VPS16: variants seen among roughly 807,000 people sequenced by gnomAD.
VPS16 encodes the protein vacuolar protein sorting-associated protein 16 homolog.
A neutral mutation model predicts 116.0 loss-of-function variants in VPS16; 82 were observed. The observed-to-expected ratio is 0.71, with a 90% CI of 0.59 to 0.85. The LOEUF is 0.85. Among genes scored for constraint, VPS16 ranks in the 40% least tolerant of loss-of-function variants. VPS16 has a pLI of 0.00. For synonymous variants in VPS16, 406 were observed against 420.7 expected (o/e 0.96, Z 0.43); for missense variants, 928 against 1,090.6 (o/e 0.85, Z 2.10).
At chr20:2,842,760 C>CTATA (rs2089004926) in intron 1 of VPS16, among the ~76,000 whole-genome samples, 1 of 76,034 alleles carries the variant, frequency 1.3e-5, no homozygotes, top group African/African-American at 6.8e-5. Context: ...ATGTATCTAT[C>CTATA]TATAGATAGA....
chr20:2,866,638 G>T lies in VPS16; in HGVS notation c.*64G>T. On this transcript the variant is annotated 3_prime_UTR_variant, in exon 24 of 24. Coordinates refer to ENST00000380445, the MANE Select transcript of VPS16 (RefSeq NM_022575.4). ...CCTAGCACCTGGGCTTGGCAGAAGG[G>T]CCATAGTTCATCCAGCTCCTCCCCT... 2 of 1,593,846 alleles carry T rather than the reference G, an allele frequency of 1.3e-6. No homozygotes were observed. The highest frequency in any genetic ancestry group is 1.7e-6 in the Non-Finnish European group (2 of 1,169,896).
Position 2,863,271 on chromosome 20 carries a change from T to G in VPS16, c.1368-19T>G. ...CCTCCACCTCACTCCTTGTATCCTT[T>G]ACCCACCGGGTCTACCAGGCTCGTG... is the stretch of plus-strand genomic sequence containing the variant. On this transcript the variant is annotated intron_variant, in intron 14 of 23. Transcript: ENST00000380445. The surrounding 1 kb of genome is among the most constrained non-coding windows in gnomAD (Gnocchi z 4.4). 3 of 1,613,986 alleles carry G rather than the reference T, an allele frequency of 1.9e-6. No homozygotes were observed. The highest frequency in any genetic ancestry group is 2.5e-6 in the Non-Finnish European group (3 of 1,179,938).
chr20:2,863,371 G>A lies in VPS16; in HGVS notation c.1449G>A (p.Arg483=). 6.2e-7 allele frequency: 1 copy of A among 1,614,230 alleles called. No homozygotes were observed. The highest frequency in any genetic ancestry group is 8.5e-7 in the Non-Finnish European group (1 of 1,180,038). The change falls in exon 15 of 24, where the codon AGG becomes AGA. Residue 483 remains arginine, a synonymous_variant. Transcript: ENST00000380445. This position sits in a 1 kb window ranked among gnomAD's most constrained non-coding sequence, Gnocchi z 4.4. ...TTCCTGAAGTACAGGGCGTCAGCAG[G>A]ATCCTGGCCCACTGGGCCTGCTACA... is the stretch of plus-strand genomic sequence containing the variant. The part of the protein sequence containing the change: ...LRLPEVQGVS[R]ILAHWACYKV...
In VPS16 at chr20:2,860,177, G is replaced by C; in HGVS notation, c.240+26G>C. On this transcript the variant is annotated intron_variant, in intron 3 of 23. Coordinates refer to ENST00000380445, the MANE Select transcript of VPS16 (RefSeq NM_022575.4). This position sits in a 1 kb window ranked among gnomAD's most constrained non-coding sequence, Gnocchi z 6.1. ...GTGAGCACTTCTGATGGTCCCTGGG[G>C]CTCAGGGCTGGACAGGGTTTCCTCA... 1 of 1,613,996 alleles carries C rather than the reference G, an allele frequency of 6.2e-7. No homozygotes were observed. Among genetic ancestry groups the C allele is most frequent in the Non-Finnish European group, 8.5e-7 (1 of 1,180,020 alleles).
chr20:2,859,913 T>C (rs774095804), intron 2 of VPS16, 106 bp downstream of exon 2: 16 of 1,473,634 alleles, frequency 1.1e-5, no homozygotes, highest in Non-Finnish European at 1.3e-5. Context: ...CACCCCCCAC[T>C]CACCCTGCTG....
chr20:2,845,694 C>T (rs564841908), intron 1 of VPS16, among the ~76,000 whole-genome samples: 7 of 152,158 alleles, frequency 4.6e-5, no homozygotes, highest in Non-Finnish European at 8.8e-5. Flanking sequence ...AGTATATTCA[C>T]GTTGTTGTGC....
In VPS16 at chr20:2,862,865, T is replaced by C. The variant is rs771834817; in HGVS notation, c.1262T>C (p.Met421Thr). The C allele has an allele frequency of 5.0e-6, 8 of 1,614,126 alleles. No homozygotes were observed. The highest frequency in any genetic ancestry group is 1.7e-5 in the Admixed American group (1 of 60,030). ...TTTCCACCCGACAGCTTCGTGCACATGTGTCAGGACCTGCGTGTGCTCAAT... is the reference window on the plus strand; with the variant it reads ...TTTCCACCCGACAGCTTCGTGCACACGTGTCAGGACCTGCGTGTGCTCAAT... ...DRFPPDSFVH[M>T]CQDLRVLNAV... Residue 421 changes from methionine (M) to threonine (T), a missense_variant, in exon 13 of 24, where the codon ATG (methionine) becomes ACG (threonine). By Grantham distance (81) the Met-to-Thr change is moderately conservative. Coordinates refer to ENST00000380445, the MANE Select transcript of VPS16 (RefSeq NM_022575.4).
intron 1 of VPS16, among the ~76,000 whole-genome samples, chr20:2,857,280 C>G (rs1371463388): frequency 1.3e-5 from 2 of 152,144 alleles, no homozygotes; most frequent in Admixed American, 1.3e-4. Context: ...CCCAGCCCCC[C>G]ATTTGAACTT....
intron 1 of VPS16, among the ~76,000 whole-genome samples, chr20:2,842,800 A>G (rs1385743946): frequency 1.4e-3 from 1 of 702 alleles, no homozygotes; most frequent in Non-Finnish European, 4.2e-3. Context: ...ATAGATAGAC[A>G]TATAGATGTA....
intron 1 of VPS16, among the ~76,000 whole-genome samples, chr20:2,845,115 G>T (rs1408495688): frequency 1.3e-5 from 2 of 151,766 alleles, no homozygotes; most frequent in Admixed American, 6.6e-5. Flanking sequence ...AAGGGAGATG[G>T]TTAGGAGCCT....
rs909362630 is a variant in VPS16, at chr20:2,864,852, C to T, written c.1927-126C>T. The stretch of plus-strand genomic sequence containing the variant: ...ATCCCTCTAGGACATCAGAGTGGTG[C>T]ACCTAGCAGGCAAGGCTGACCCTGG... On this transcript the variant is annotated intron_variant, in intron 19 of 23. Transcript: ENST00000380445. The surrounding 1 kb of genome is among the most constrained non-coding windows in gnomAD (Gnocchi z 5.2). The T allele has an allele frequency of 2.3e-6, 3 of 1,301,696 alleles. No homozygotes were observed. Among genetic ancestry groups the T allele is most frequent in the Admixed American group, 3.8e-5 (2 of 52,822 alleles). 80.6% of individuals were successfully genotyped at this position (1,301,696 alleles called of 1,614,324 possible).
At position 2,863,801 on chromosome 20, in the gene VPS16, A is replaced by G. The variant is rs1040954663; in HGVS notation, c.1477-148A>G. The G allele has an allele frequency of 1.7e-6, 2 of 1,153,888 alleles. No individual in the cohort carries two copies. Among genetic ancestry groups the G allele is most frequent in the Non-Finnish European group, 1.2e-6 (1 of 842,632 alleles). The allele number at this position is 1,153,888 out of a possible 1,614,324, so 71.5% of individuals were successfully genotyped here. On this transcript the variant is annotated intron_variant, in intron 15 of 23. Transcript: ENST00000380445. The surrounding 1 kb of genome is among the most constrained non-coding windows in gnomAD (Gnocchi z 4.4). ...AAGTGGCGGGGGCGGAGGAGGAGGG[A>G]AAGAGAGAGAAAGAAGAAAGAGAGA...
rs944863035 is a variant in VPS16, at chr20:2,864,723, A to G, written c.1926+69A>G. On this transcript the variant is annotated intron_variant, in intron 19 of 23. Coordinates refer to ENST00000380445, the MANE Select transcript of VPS16 (RefSeq NM_022575.4). The surrounding 1 kb of genome is among the most constrained non-coding windows in gnomAD (Gnocchi z 5.2). The stretch of plus-strand genomic sequence containing the variant: ...CTGGGGCTGTTGGTCCGGTTCCTTC[A>G]GGAATCTAGGCCTTCGTGTTGGGTG... The G allele has an allele frequency of 4.6e-6, 7 of 1,516,086 alleles. No homozygotes were observed. Among genetic ancestry groups the G allele is most frequent in the African/African-American group, 1.4e-5 (1 of 73,058 alleles). 93.9% of individuals were successfully genotyped at this position (1,516,086 alleles called of 1,614,324 possible).
At chr20:2,857,621 T>G (rs1001924253) in intron 1 of VPS16, among the ~76,000 whole-genome samples, 2 of 152,156 alleles carry the variant, frequency 1.3e-5, no homozygotes, top group Admixed American at 6.5e-5. Flanking sequence ...GTGATTCTCC[T>G]GCCTTAGCCT....
chr20:2,862,127 T>C lies in VPS16; in HGVS notation c.1068T>C (p.Tyr356=). Residue 356 remains tyrosine, a synonymous_variant, in exon 11 of 24, where the codon TAT becomes TAC. Transcript: ENST00000380445. ...GALLLEAQKE[Y]EKESQKADEY... ...TGCTCCTGGAGGCTCAGAAGGAGTA[T>C]GAGGTAAAGCCCTGGGCTTCTCTCC... 6.2e-7 allele frequency: 1 copy of C among 1,613,402 alleles called. No individual in the cohort carries two copies.
Position 2,865,089 on chromosome 20 carries a change from C to T in VPS16, c.2004+34C>T. ...CACCTTTTTCCAAGAGCCTCCTCGT[C>T]TCCTGGTCTTCCCTCCTGGTCCCTC... On this transcript the variant is annotated intron_variant, in intron 20 of 23. Transcript: ENST00000380445. The surrounding 1 kb of genome is among the most constrained non-coding windows in gnomAD (Gnocchi z 5.2). The T allele has an allele frequency of 6.2e-7, 1 of 1,614,186 alleles. No homozygotes were observed. The highest frequency in any genetic ancestry group is 8.5e-7 in the Non-Finnish European group (1 of 1,180,024).
Position 2,860,605 on chromosome 20 carries a change from C to G in VPS16, c.514+12C>G. On this transcript the variant is annotated intron_variant, in intron 5 of 23. Transcript: ENST00000380445. The surrounding 1 kb of genome is among the most constrained non-coding windows in gnomAD (Gnocchi z 6.1). ...GCCAGAGGTGCCAGGTAAGCCCTGA[C>G]ACCGCTGAGATAGCCAAGCAGTACC... 1 of 1,613,388 alleles carries G rather than the reference C, an allele frequency of 6.2e-7. No individual in the cohort carries two copies. The highest frequency in any genetic ancestry group is 8.5e-7 in the Non-Finnish European group (1 of 1,179,904).
Position 2,864,707 on chromosome 20 carries a change from T to G in VPS16, c.1926+53T>G, listed in dbSNP as rs541969986. On this transcript the variant is annotated intron_variant, in intron 19 of 23. Transcript: ENST00000380445. This position sits in a 1 kb window ranked among gnomAD's most constrained non-coding sequence, Gnocchi z 5.2. ...GTGTGGGGCATGTGGGCTGGGGCTG[T>G]TGGTCCGGTTCCTTCAGGAATCTAG... 4.4e-6 allele frequency: 7 copies of G among 1,577,452 alleles called. No individual in the cohort carries two copies. The Admixed American group carries it at 1.2e-4, about 26-fold the overall frequency.
intron 1 of VPS16, among the ~76,000 whole-genome samples, chr20:2,849,328 T>C (rs1050227924): frequency 1.3e-5 from 2 of 148,528 alleles, no homozygotes; most frequent in African/African-American, 5.0e-5. Context: ...GAGGCGGAGT[T>C]TTGCTCTTAT....
Sources: allele counts gnomAD v4.1 joint callset (sites outside exome capture counted in the v4.1 genomes callset), GRCh38; gene constraint gnomAD v4.1.1; non-coding constraint Gnocchi (gnomAD v3.1); transcripts MANE v1.5; gene names NCBI Gene and HGNC (gene_info 2026-07-23, HGNC 2026-07-21).